The following SYCP2 variants were observed in gnomAD, a reference collection of about 807,000 sequenced individuals.
The protein encoded by SYCP2 is synaptonemal complex protein 2, also known as synaptonemal complex lateral element protein.
Under a neutral mutation model 211.3 loss-of-function variants are expected in SYCP2, and 55 were observed. The observed-to-expected ratio is 0.26, with a 90% CI of 0.21 to 0.33. The LOEUF is 0.33. SYCP2 is among the 10% of genes least tolerant of loss of function. The probability of loss-of-function intolerance (pLI) is 1.00; values close to 1 mark genes in which losing one functional copy is unlikely to be tolerated. For missense variants in SYCP2, 1,731 were observed against 1,752.0 expected, an observed-to-expected ratio of 0.99 and a Z score of 0.21; for synonymous variants, 570 against 555.2, an observed-to-expected ratio of 1.03 and a Z score of -0.37.
intron 15 of SYCP2, among the ~76,000 whole-genome samples, 153 bp from the exon 16 acceptor site, chr20:59,901,963 A>C (rs1384174295): frequency 6.6e-6 from 1 of 152,068 alleles, no homozygotes; most frequent in East Asian, 1.9e-4. Flanking sequence ...GGCACTACTT[A>C]CCTATGTAAA....
At chr20:59,910,096 G>A (rs1374802663) in intron 14 of SYCP2, among the ~76,000 whole-genome samples, 1 of 152,150 alleles carries the variant, frequency 6.6e-6, no homozygotes, top group Non-Finnish European at 1.5e-5. Flanking sequence ...GAAACAGCCA[G>A]AGACCAGGCC....
chr20:59,905,371 A>C (rs2060194890), intron 15 of SYCP2, among the ~76,000 whole-genome samples: 1 of 152,224 alleles, frequency 6.6e-6, no homozygotes, highest in South Asian at 2.1e-4. Context: ...ATGCTCACTA[A>C]CAGGTGACTA....
chr20:59,914,625 C>T (rs1308177044), intron 10 of SYCP2, among the ~76,000 whole-genome samples: 3 of 151,984 alleles, frequency 2.0e-5, no homozygotes, highest in African/African-American at 7.2e-5. Flanking sequence ...TCCCAGAGTA[C>T]TTTAAACCAT....
At chr20:59,907,268 C>T in intron 15 of SYCP2, 96 bp downstream of exon 15, 2 of 758,536 alleles carry the variant, frequency 2.6e-6, no homozygotes, top group East Asian at 2.8e-5. Flanking sequence ...ATTGATTTTG[C>T]TTTCATTAGT....
chr20:59,879,860 T>TACACAC (rs1222698665), intron 31 of SYCP2, among the ~76,000 whole-genome samples: 39 of 120,580 alleles, frequency 3.2e-4, no homozygotes, highest in African/African-American at 1.3e-3. Context: ...TATATATATA[T>TACACAC]ATACACACAC....
At chr20:59,927,495 AAGT>A (rs1264169556) in intron 2 of SYCP2, among the ~76,000 whole-genome samples, 1 of 152,078 alleles carries the variant, frequency 6.6e-6, no homozygotes, top group African/African-American at 2.4e-5. Context: ...TTCTAACCCA[AAGT>A]AGAATCTTCT....
intron 13 of SYCP2, chr20:59,912,147 A>G (rs1202373821): frequency 2.4e-6 from 1 of 419,190 alleles, no homozygotes; most frequent in Non-Finnish European, 4.3e-6. Context: ...AGGAAACACG[A>G]GAAAAACTGG....
At chr20:59,912,348 A>C in intron 13 of SYCP2, 25 bp downstream of exon 13, 1 of 897,552 alleles carries the variant, frequency 1.1e-6, no homozygotes, top group Non-Finnish European at 1.7e-6. Flanking sequence ...AATAACTAAA[A>C]TAATGTGTTA....
chr20:59,914,057 T>C (rs2060384700), intron 11 of SYCP2, 30 bp from the exon 12 acceptor site: 1 of 1,575,856 alleles, frequency 6.3e-7, no homozygotes, highest in Admixed American at 1.8e-5. Flanking sequence ...CTTTTAAAAA[T>C]CATAATAATT....
At chr20:59,932,831 TCAACCGCAAG>T (rs1252996688) in intron 1 of SYCP2, among the ~76,000 whole-genome samples, 1 of 151,916 alleles carries the variant, frequency 6.6e-6, no homozygotes. Flanking sequence ...GCTGGCGGCC[TCAACCGCAAG>T]GAGAGGCCGC....
intron 2 of SYCP2, among the ~76,000 whole-genome samples, chr20:59,931,290 AG>A (rs1481218213): frequency 6.6e-6 from 1 of 152,176 alleles, no homozygotes; most frequent in African/African-American, 2.4e-5. Context: ...GGTGGATCGC[AG>A]CTGTGGTCTA....
chr20:59,916,038 A>G (rs2060434195), intron 8 of SYCP2, among the ~76,000 whole-genome samples: 2 of 152,218 alleles, frequency 1.3e-5, no homozygotes, highest in Admixed American at 1.3e-4. Flanking sequence ...TAAAAACAAC[A>G]TAAACTATAG....
chr20:59,865,911 C>A, intron 41 of SYCP2, 46 bp from the exon 42 acceptor site: 2 of 856,128 alleles, frequency 2.3e-6, no homozygotes, highest in South Asian at 2.5e-5. Context: ...TATTTTAGTC[C>A]TAAAATAAAA....
chr20:59,916,518 C>A lies in SYCP2; in HGVS notation c.481G>T (p.Asp161Tyr). ...FVPRICSLVI[D>Y]SRVNICIQQE... ...TGAATACAAATATTCACTCTTGAGT[C>A]AATAACCAGGGAACAAATGCGAGGT... is the stretch of plus-strand genomic sequence containing the variant. Residue 161 changes from aspartate to tyrosine, a missense_variant, in exon 8 of 45, where the codon GAC becomes TAC. Transcript: ENST00000357552. 1 of 1,610,608 alleles carries A rather than the reference C, an allele frequency of 6.2e-7. No individual in the cohort carries two copies. Among genetic ancestry groups the A allele is most frequent in the South Asian group, 1.1e-5 (1 of 90,898 alleles).
chr20:59,880,401 T>G lies in SYCP2; in HGVS notation c.2843A>C (p.Lys948Thr), dbSNP rs183373262. ...TETEYRCDDS[K>T]TDISWLREPK... The stretch of plus-strand genomic sequence containing the variant: ...TTCTCTTAGCCAGCTAATATCAGTC[T>G]TGCTGTCATCACATCTGTACTCTGT... The change falls in exon 31 of 45, where the codon AAG becomes ACG. Residue 948 changes from lysine to threonine, a missense_variant. Lys to Thr is a moderately conservative substitution (Grantham distance 78). Transcript: ENST00000357552. 2 of 1,602,646 alleles carry G rather than the reference T, an allele frequency of 1.2e-6. No homozygotes were observed. The highest frequency in any genetic ancestry group is 2.2e-5 in the East Asian group (1 of 44,556).
intron 35 of SYCP2, among the ~76,000 whole-genome samples, chr20:59,870,499 A>G (rs1340746730): frequency 6.6e-6 from 1 of 151,872 alleles, no homozygotes; most frequent in Admixed American, 6.6e-5. Flanking sequence ...TTAATCTAAC[A>G]AGATGCATAA....
chr20:59,882,128 G>T lies in SYCP2; in HGVS notation c.2567C>A (p.Thr856Asn). The part of the protein sequence containing the change: ...VQKKSYRKLK[T>N]TFVNVTSECP... ...TTCAGAAGTAACATTAACAAAGGTA[G>T]TCTTCAGTTTTCTGTAGCTTTTTTT... Residue 856 changes from threonine (T) to asparagine (N), a missense_variant, in exon 27 of 45, where the codon ACT becomes AAT. Thr to Asn is a moderately conservative substitution (Grantham distance 65, BLOSUM62 0). Around this residue, in one of 3 missense-constraint regions of SYCP2, gnomAD observed 1,387 missense variants for 1,351.3 expected, o/e 1.03. Coordinates refer to ENST00000357552, the MANE Select transcript of SYCP2 (RefSeq NM_014258.4). The T allele has an allele frequency of 6.2e-7, 1 of 1,612,870 alleles. No individual in the cohort carries two copies. The highest frequency in any genetic ancestry group is 8.5e-7 in the Non-Finnish European group (1 of 1,179,386).
chr20:59,871,534 G>A (rs184625212), intron 35 of SYCP2, among the ~76,000 whole-genome samples: 2 of 151,978 alleles, frequency 1.3e-5, no homozygotes, highest in Admixed American at 1.3e-4. Context: ...AAAGATGGTG[G>A]GTGGGGATTA....
Position 59,881,426 on chromosome 20 carries a change from A to G in SYCP2, c.2714+11T>C. 1 of 1,435,502 alleles carries G rather than the reference A, an allele frequency of 7.0e-7. No individual in the cohort carries two copies. Among genetic ancestry groups the G allele is most frequent in the South Asian group, 1.3e-5 (1 of 78,098 alleles). 88.9% of individuals were successfully genotyped at this position (1,435,502 alleles called of 1,614,324 possible). A position where few individuals can be genotyped will look rare whatever the true frequency, so the allele number is the denominator to read the frequency against. ...AAGATCAGAATATTTTAATCTAATA[A>G]AAATACCTACAATCTAATTGACCTA... is the stretch of plus-strand genomic sequence containing the variant. On this transcript the variant is annotated intron_variant, in intron 29 of 44. Coordinates refer to ENST00000357552, the MANE Select transcript of SYCP2 (RefSeq NM_014258.4).
Sources: allele counts gnomAD v4.1 joint callset (sites outside exome capture counted in the v4.1 genomes callset), GRCh38; gene constraint gnomAD v4.1.1; regional missense constraint gnomAD v4.1.1; transcripts MANE v1.5; gene names NCBI Gene and HGNC (gene_info 2026-07-23, HGNC 2026-07-21).